The following MATN2 variants were observed in gnomAD, a reference collection of about 807,000 sequenced individuals.
MATN2 encodes the protein matrilin-2.
In MATN2, 69 loss-of-function variants were observed where a neutral mutation model predicts 103.2. The observed-to-expected ratio is 0.67, with a 90% CI of 0.55 to 0.82. MATN2 has a LOEUF of 0.82. Among genes scored for constraint, MATN2 ranks in the 40% least tolerant of loss-of-function variants. The probability of loss-of-function intolerance (pLI) is 0.00; values close to 1 mark genes in which losing one functional copy is unlikely to be tolerated. For missense variants in MATN2, 1,023 were observed against 1,211.5 expected, an observed-to-expected ratio of 0.84 and a Z score of 2.31; for synonymous variants, 429 against 450.2, an observed-to-expected ratio of 0.95 and a Z score of 0.60.
chr8:97,995,956 A>G (rs1812570233), intron 7 of MATN2, among the ~76,000 whole-genome samples: 1 of 152,242 alleles, frequency 6.6e-6, no homozygotes, highest in Non-Finnish European at 1.5e-5. Context: ...GCAATAGGTC[A>G]GAGGGCCAAC....
At chr8:97,945,505 T>A (rs1204541671) in intron 4 of MATN2, among the ~76,000 whole-genome samples, 5 of 151,816 alleles carry the variant, frequency 3.3e-5, no homozygotes, top group African/African-American at 4.8e-5. Flanking sequence ...TCAGAAAACC[T>A]TCTCCAAGCC....
At chr8:97,958,784 T>C (rs192961552) in intron 4 of MATN2, among the ~76,000 whole-genome samples, 21 of 152,312 alleles carry the variant, frequency 1.4e-4, no homozygotes, top group African/African-American at 5.1e-4. Context: ...TCTCCCTTTT[T>C]AAAGTTTTTC....
At chr8:97,945,717 A>AAAAAATATATATATATAT (rs59472539) in intron 4 of MATN2, among the ~76,000 whole-genome samples, 2 of 121,832 alleles carry the variant, frequency 1.6e-5, no homozygotes, top group African/African-American at 6.2e-5. Context: ...AAAAAAAAAA[A>AAAAAATATATATATATAT]ATATATATAT....
In MATN2 at chr8:98,035,969, G is replaced by GC; in HGVS notation, c.*257_*258insC. On this transcript the variant is annotated 3_prime_UTR_variant, in exon 19 of 19. Coordinates refer to ENST00000254898, the MANE Select transcript of MATN2 (RefSeq NM_002380.5). ...ATGAATAAGCTATGCAAGGTATTTT[G>GC]TAATATACTGTGGACACAACTTGCT... is the stretch of plus-strand genomic sequence containing the variant. The GC allele has an allele frequency of 3.0e-6, 1 of 331,240 alleles. No individual in the cohort carries two copies. Among genetic ancestry groups the GC allele is most frequent in the Non-Finnish European group, 5.4e-6 (1 of 184,064 alleles). The allele number at this position is 331,240 out of a possible 1,614,324, so 20.5% of individuals were successfully genotyped here. A position where few individuals can be genotyped will look rare whatever the true frequency, so the allele number is the denominator to read the frequency against.
At position 98,009,048 on chromosome 8, in the gene MATN2, G is replaced by A. The variant is rs114953810; in HGVS notation, c.1573+1447G>A. On this transcript the variant is annotated intron_variant, in intron 10 of 18. Transcript: ENST00000254898. The stretch of plus-strand genomic sequence containing the variant: ...TGGGTTTCTAACCAATGGCACAGTG[G>A]AACCATCTACATGAGTAAATGTCCA... Among the ~76,000 whole-genome samples the A allele has an allele frequency of 8.6e-3, 1,311 of 152,260 alleles. 21 individuals carry two copies. The highest frequency in any genetic ancestry group is 0.03 in the African/African-American group (1,240 of 41,540).
chr8:97,944,512 G>C (rs1382569200), intron 4 of MATN2, among the ~76,000 whole-genome samples: 1 of 152,192 alleles, frequency 6.6e-6, no homozygotes, highest in African/African-American at 2.4e-5. Context: ...GAAGAACAAG[G>C]CCTTCACTGT....
intron 4 of MATN2, among the ~76,000 whole-genome samples, chr8:97,944,833 G>A (rs1810693188): frequency 6.6e-6 from 1 of 152,164 alleles, no homozygotes. Context: ...TCCACTTCTG[G>A]AAGCTGTTTC....
chr8:97,992,762 A>AAAAAAAAC (rs1812437982), intron 6 of MATN2, among the ~76,000 whole-genome samples: 1 of 145,382 alleles, frequency 6.9e-6, no homozygotes, highest in African/African-American at 2.5e-5. Context: ...AAAAAAAAAA[A>AAAAAAAAC]AAAAAAAATT....
intron 6 of MATN2, among the ~76,000 whole-genome samples, chr8:97,988,682 A>C (rs2130339726): frequency 6.6e-6 from 1 of 152,308 alleles, no homozygotes; most frequent in Non-Finnish European, 1.5e-5. Context: ...TATTAAAAGA[A>C]ATGGAATTTG....
chr8:97,941,559 T>C (rs1810567898), intron 3 of MATN2, among the ~76,000 whole-genome samples: 1 of 152,212 alleles, frequency 6.6e-6, no homozygotes, highest in Non-Finnish European at 1.5e-5. Flanking sequence ...TTTCATATAG[T>C]TCAGCCTAAC....
At chr8:97,937,513 TA>T (rs1388751592) in intron 3 of MATN2, among the ~76,000 whole-genome samples, 4 of 151,466 alleles carry the variant, frequency 2.6e-5, no homozygotes, top group Non-Finnish European at 5.9e-5. Context: ...ATGGCCAAAA[TA>T]AGCCTTAGTA....
chr8:97,943,227 C>A (rs1288111303), intron 4 of MATN2, among the ~76,000 whole-genome samples: 1 of 152,098 alleles, frequency 6.6e-6, no homozygotes, highest in Non-Finnish European at 1.5e-5. Flanking sequence ...TCTTTAGACA[C>A]CCCCCTCTAG....
At chr8:98,019,705 G>A (rs1294281269) in intron 12 of MATN2, among the ~76,000 whole-genome samples, 2 of 152,182 alleles carry the variant, frequency 1.3e-5, no homozygotes, top group Admixed American at 6.5e-5. Flanking sequence ...CCCACCATGA[G>A]ATTCTGAGCT....
intron 1 of MATN2, among the ~76,000 whole-genome samples, 152 bp downstream of exon 1, chr8:97,869,439 C>T (rs1287967785): frequency 7.9e-6 from 1 of 127,108 alleles, no homozygotes; most frequent in African/African-American, 2.6e-5. Flanking sequence ...CCCCGGGGCC[C>T]CGGCGCCTTC....
chr8:97,936,169 G>A (rs1810363545), intron 3 of MATN2, among the ~76,000 whole-genome samples: 1 of 152,168 alleles, frequency 6.6e-6, no homozygotes, highest in South Asian at 2.1e-4. Flanking sequence ...ACATCCTGGA[G>A]TCTGCCATTT....
chr8:97,888,634 C>T (rs1430054539), intron 2 of MATN2, among the ~76,000 whole-genome samples: 1 of 151,970 alleles, frequency 6.6e-6, no homozygotes, highest in African/African-American at 2.4e-5. Context: ...AAGAGCTGGG[C>T]CAGAAGAGAG....
chr8:97,927,833 T>C (rs932105980), intron 2 of MATN2, among the ~76,000 whole-genome samples: 1 of 152,202 alleles, frequency 6.6e-6, no homozygotes, highest in African/African-American at 2.4e-5. Flanking sequence ...ATTGACACCA[T>C]GACTAAGACC....
chr8:98,021,134 ACTCAC>A, intron 12 of MATN2, 66 bp from the exon 13 acceptor site: 1 of 1,454,716 alleles, frequency 6.9e-7, no homozygotes, highest in Non-Finnish European at 9.5e-7. Flanking sequence ...CACAATCTCT[ACTCAC>A]ATGACTATTC....
At chr8:97,962,230 T>C (rs1422464167) in intron 5 of MATN2, among the ~76,000 whole-genome samples, 2 of 152,230 alleles carry the variant, frequency 1.3e-5, no homozygotes, top group African/African-American at 4.8e-5. Context: ...TGAATACTTA[T>C]GAGGCAGAAA....
Sources: allele counts gnomAD v4.1 joint callset (sites outside exome capture counted in the v4.1 genomes callset), GRCh38; gene constraint gnomAD v4.1.1; transcripts MANE v1.5; gene names NCBI Gene and HGNC (gene_info 2026-07-23, HGNC 2026-07-21).